SCFD2: variants seen among roughly 807,000 people sequenced by gnomAD.
The protein encoded by SCFD2 is sec1 family domain containing 2, also known as sec1 family domain-containing protein 2.
A neutral mutation model predicts 58.9 loss-of-function variants in SCFD2; 54 were observed. The ratio of observed to expected loss-of-function variants is 0.92; its 90% CI spans 0.74 to 1.15. The LOEUF (loss-of-function observed/expected upper bound fraction) is 1.15. Among genes scored for constraint, SCFD2 ranks in the 50% most tolerant of loss-of-function variants. The pLI, the probability that SCFD2 is intolerant of heterozygous loss-of-function variation, is 0.00. For synonymous variants in SCFD2, 321 were observed against 335.9 expected (o/e 0.96, Z 0.49); for missense variants, 805 against 836.6 (o/e 0.96, Z 0.47).
intron 5 of SCFD2, among the ~76,000 whole-genome samples, chr4:52,945,270 A>T (rs1372797235): frequency 1.3e-5 from 2 of 152,150 alleles, no homozygotes; most frequent in African/African-American, 4.8e-5. Context: ...TTCATTCGAG[A>T]TCACATTCGT....
At chr4:52,912,197 T>A (rs542153644) in intron 6 of SCFD2, among the ~76,000 whole-genome samples, 7 of 152,204 alleles carry the variant, frequency 4.6e-5, no homozygotes, top group South Asian at 2.1e-4. Context: ...ACAGAAAAGA[T>A]GAGATAATGA....
intron 4 of SCFD2, among the ~76,000 whole-genome samples, chr4:53,174,285 A>G (rs1727263518): frequency 6.6e-6 from 1 of 152,150 alleles, no homozygotes; most frequent in South Asian, 2.1e-4. Context: ...ATATATGAGA[A>G]TTTTCTAAAA....
At chr4:52,990,973 G>T (rs1721600573) in intron 5 of SCFD2, among the ~76,000 whole-genome samples, 1 of 152,188 alleles carries the variant, frequency 6.6e-6, no homozygotes, top group Non-Finnish European at 1.5e-5. Context: ...CCTGGCTGTA[G>T]GTGGACAATG....
intron 5 of SCFD2, among the ~76,000 whole-genome samples, chr4:53,076,805 A>G (rs539673715): frequency 6.6e-6 from 1 of 152,272 alleles, no homozygotes; most frequent in East Asian, 1.9e-4. Context: ...TTTATCCAAC[A>G]CGGGCTGCTT....
At chr4:52,943,944 A>T (rs557935185) in intron 5 of SCFD2, among the ~76,000 whole-genome samples, 1 of 152,322 alleles carries the variant, frequency 6.6e-6, no homozygotes, top group African/African-American at 2.4e-5. Context: ...TGTTTATCAA[A>T]CAATCACATG....
chr4:53,171,038 T>C (rs1727163142), intron 4 of SCFD2, among the ~76,000 whole-genome samples: 1 of 152,224 alleles, frequency 6.6e-6, no homozygotes. Context: ...CTAATTGATC[T>C]GATAAGGACT....
intron 5 of SCFD2, among the ~76,000 whole-genome samples, chr4:52,990,398 C>CT (rs1232254133): frequency 6.6e-6 from 1 of 152,130 alleles, no homozygotes; most frequent in Admixed American, 6.5e-5. Context: ...TTCAGTGTTA[C>CT]TTTTTAAGTA....
intron 4 of SCFD2, among the ~76,000 whole-genome samples, chr4:53,177,006 A>C (rs1727358951): frequency 6.6e-6 from 1 of 151,958 alleles, no homozygotes; most frequent in Non-Finnish European, 1.5e-5. Flanking sequence ...AAACAGGTAG[A>C]CATCATGAAA....
At chr4:53,288,713 G>A (rs1731746890) in intron 3 of SCFD2, among the ~76,000 whole-genome samples, 1 of 152,174 alleles carries the variant, frequency 6.6e-6, no homozygotes, top group South Asian at 2.1e-4. Flanking sequence ...AAAGCTGAGG[G>A]AATTCATCAT....
chr4:52,981,525 T>G (rs540433080), intron 5 of SCFD2, among the ~76,000 whole-genome samples: 64 of 152,296 alleles, frequency 4.2e-4, no homozygotes, highest in African/African-American at 1.4e-3. Flanking sequence ...AGAGGGTTAT[T>G]AGAAGATAAA....
chr4:53,210,778 T>C (rs1172797154), intron 4 of SCFD2, among the ~76,000 whole-genome samples: 1 of 152,030 alleles, frequency 6.6e-6, no homozygotes. Context: ...TATTATAATG[T>C]GGAATGTGTT....
chr4:52,937,542 C>G (rs911335884), intron 5 of SCFD2, among the ~76,000 whole-genome samples: 2 of 152,176 alleles, frequency 1.3e-5, no homozygotes, highest in Non-Finnish European at 2.9e-5. Flanking sequence ...TCAATGTCTC[C>G]TCCATCCCTT....
At chr4:53,128,231 G>A (rs1326964096) in intron 5 of SCFD2, among the ~76,000 whole-genome samples, 10 of 152,096 alleles carry the variant, frequency 6.6e-5, no homozygotes, top group Admixed American at 5.9e-4. Flanking sequence ...GTGCACATAC[G>A]CCATCAAAAA....
intron 8 of SCFD2, among the ~76,000 whole-genome samples, chr4:52,883,965 A>G (rs1192291912): frequency 6.6e-6 from 1 of 152,080 alleles, no homozygotes; most frequent in Admixed American, 6.5e-5. Flanking sequence ...GTGTCTGGAG[A>G]CCAGCAGGGA....
At chr4:53,291,610 A>T (rs1161424556) in intron 3 of SCFD2, among the ~76,000 whole-genome samples, 1 of 152,116 alleles carries the variant, frequency 6.6e-6, no homozygotes, top group Non-Finnish European at 1.5e-5. Context: ...TCTTCACAGA[A>T]TTAGAAAAAA....
In SCFD2 at chr4:53,352,512, C is replaced by G. The variant is rs759834691; in HGVS notation, c.1007+86G>C. On this transcript the variant is annotated intron_variant, in intron 2 of 8. Transcript: ENST00000401642. ...TTTCAACCAGACCAATTCTTCATTGCTTTTTTCCTATGGGAATACTCAGTC... is the reference window on the plus strand; with the variant it reads ...TTTCAACCAGACCAATTCTTCATTGGTTTTTTCCTATGGGAATACTCAGTC... 19 of 1,127,194 alleles carry G rather than the reference C, an allele frequency of 1.7e-5. 1 individual carries two copies. Among genetic ancestry groups the G allele is most frequent in the Admixed American group, 2.6e-5 (1 of 38,196 alleles). The allele number at this position is 1,127,194 out of a possible 1,614,324, so 69.8% of individuals were successfully genotyped here. A position where few individuals can be genotyped will look rare whatever the true frequency, so the allele number is the denominator to read the frequency against.
At chr4:52,913,280 T>C (rs1719528439) in intron 6 of SCFD2, among the ~76,000 whole-genome samples, 1 of 151,964 alleles carries the variant, frequency 6.6e-6, no homozygotes, top group African/African-American at 2.4e-5. Context: ...GAGCAGTGAG[T>C]GAATGAGTGA....
intron 4 of SCFD2, among the ~76,000 whole-genome samples, chr4:53,243,377 C>G (rs1729961296): frequency 6.6e-6 from 1 of 152,094 alleles, no homozygotes; most frequent in Non-Finnish European, 1.5e-5. Flanking sequence ...TCTGGCCAAA[C>G]TAAGCTTTAT....
intron 5 of SCFD2, among the ~76,000 whole-genome samples, chr4:53,030,122 A>T (rs1722579090): frequency 1.3e-5 from 2 of 152,204 alleles, no homozygotes; most frequent in African/African-American, 4.8e-5. Context: ...GAACTCTCAA[A>T]ATTCAATATA....
Sources: gnomAD v4.1 joint callset for allele counts (sites outside exome capture counted in the v4.1 genomes callset) on GRCh38, gnomAD v4.1.1 for gene constraint, MANE v1.5 for transcripts, NCBI Gene and HGNC (gene_info 2026-07-23, HGNC 2026-07-21) for gene names.